SLC22A25: variants seen among roughly 807,000 people sequenced by gnomAD.
SLC22A25 encodes solute carrier family 22 member 25.
Under a neutral mutation model 45.9 loss-of-function variants are expected in SLC22A25, and 44 were observed. That is an observed-to-expected ratio of 0.96 (90% CI 0.75 to 1.23). SLC22A25 has a LOEUF of 1.23. Ranked by LOEUF, SLC22A25 falls within the 50% of genes most tolerant of loss-of-function variation. SLC22A25 has a pLI of 0.00. For missense variants in SLC22A25, 800 were observed against 666.4 expected, an observed-to-expected ratio of 1.20 and a Z score of -2.21; for synonymous variants, 283 against 238.6, an observed-to-expected ratio of 1.19 and a Z score of -1.72.
chr11:63,232,101 G>T (rs2090079668), intron 3 of SLC22A25, among the ~76,000 whole-genome samples: 1 of 152,150 alleles, frequency 6.6e-6, no homozygotes, highest in South Asian at 2.1e-4. Flanking sequence ...GCTTAGGATT[G>T]ACTTGGCAAT....
At chr11:63,210,716 TG>T (rs2089535030) in intron 7 of SLC22A25, among the ~76,000 whole-genome samples, 1 of 152,126 alleles carries the variant, frequency 6.6e-6, no homozygotes, top group Non-Finnish European at 1.5e-5. Context: ...TTGATACTGG[TG>T]CTGATTACTC....
At chr11:63,179,253 G>A (rs2088231504) in intron 9 of SLC22A25, among the ~76,000 whole-genome samples, 1 of 151,992 alleles carries the variant, frequency 6.6e-6, no homozygotes, top group Non-Finnish European at 1.5e-5. Flanking sequence ...CACTGTGCCT[G>A]GTCTATATCT....
At chr11:63,169,160 C>A (rs2087788924) in intron 9 of SLC22A25, among the ~76,000 whole-genome samples, 1 of 152,122 alleles carries the variant, frequency 6.6e-6, no homozygotes, top group Non-Finnish European at 1.5e-5. Flanking sequence ...ACAAGAGCTC[C>A]TGAAGGAAGC....
chr11:63,163,895 C>G lies in SLC22A25; in HGVS notation c.1573G>C (p.Asp525His). Residue 525 changes from aspartate (D) to histidine (H), a missense_variant, in exon 12 of 12, where the codon GAC (aspartate) becomes CAC (histidine). Transcript: ENST00000306494. ...TCATTTTCCACATCCTGGATGCTGTCAAGAAGAGGCTGGTTCCTGGTTTCA... is the reference window on the plus strand; with the variant it reads ...TCATTTTCCACATCCTGGATGCTGTGAAGAAGAGGCTGGTTCCTGGTTTCA... ...LPETRNQPLLDSIQDVENEGV... is the reference protein window; with the variant it reads ...LPETRNQPLLHSIQDVENEGV... 1 of 1,613,888 alleles carries G rather than the reference C, an allele frequency of 6.2e-7. No individual in the cohort carries two copies. Among genetic ancestry groups the G allele is most frequent in the Non-Finnish European group, 8.5e-7 (1 of 1,179,898 alleles).
At position 63,199,271 on chromosome 11, in the gene SLC22A25, A is replaced by G. The variant is rs148873953; in HGVS notation, c.831-15454T>C. Among the ~76,000 whole-genome samples, 1,382 of 152,270 alleles carry G rather than the reference A, an allele frequency of 9.1e-3. 14 individuals carry two copies. The highest frequency in any genetic ancestry group is 0.017 in the Middle Eastern group (5 of 294). The stretch of plus-strand genomic sequence containing the variant: ...AAACAACAATCAGAGAATATTATGA[A>G]CACCTCTATGCACATAAACTAGAAA... On this transcript the variant is annotated intron_variant, in intron 7 of 11. Transcript: ENST00000306494.
At chr11:63,198,652 G>A (rs186847756) in intron 7 of SLC22A25, among the ~76,000 whole-genome samples, 172 of 152,060 alleles carry the variant, frequency 1.1e-3, no homozygotes, top group African/African-American at 4.0e-3. Flanking sequence ...CACCAAAATG[G>A]CACATGTATA....
chr11:63,201,883 T>G (rs1307506136), intron 7 of SLC22A25, among the ~76,000 whole-genome samples: 2 of 152,156 alleles, frequency 1.3e-5, no homozygotes, highest in African/African-American at 4.8e-5. Flanking sequence ...AGCTCTGGTC[T>G]GCAGCCCCCA....
chr11:63,240,537 G>T (rs1197513903), intron 1 of SLC22A25, among the ~76,000 whole-genome samples: 3 of 151,936 alleles, frequency 2.0e-5, no homozygotes, highest in Non-Finnish European at 4.4e-5. Flanking sequence ...AAACTTTTTA[G>T]TTTTTAAAAA....
intron 7 of SLC22A25, among the ~76,000 whole-genome samples, chr11:63,193,993 T>C (rs1298836453): frequency 6.6e-6 from 1 of 152,090 alleles, no homozygotes; most frequent in Non-Finnish European, 1.5e-5. Flanking sequence ...CTGAAAACCA[T>C]GGCATGAGAA....
chr11:63,201,763 A>G (rs1212091381), intron 7 of SLC22A25, among the ~76,000 whole-genome samples: 1 of 152,194 alleles, frequency 6.6e-6, no homozygotes, highest in Non-Finnish European at 1.5e-5. Context: ...TATGCATCCA[A>G]TAAAGGTCTG....
intron 9 of SLC22A25, among the ~76,000 whole-genome samples, chr11:63,171,606 G>A (rs757454241): frequency 2.0e-5 from 3 of 152,140 alleles, no homozygotes; most frequent in South Asian, 2.1e-4. Flanking sequence ...TACAAGGGAC[G>A]TGAAGGAGCT....
Position 63,216,423 on chromosome 11 carries a change from G to A in SLC22A25, c.830+891C>T, listed in dbSNP as rs558994721. 3.7e-4 allele frequency among the ~76,000 whole-genome samples: 57 copies of A among 152,134 alleles called. 2 individuals carry two copies. Among genetic ancestry groups the A allele is most frequent in the South Asian group, 3.7e-3 (18 of 4,818 alleles). On this transcript the variant is annotated intron_variant, in intron 7 of 11. Coordinates refer to ENST00000306494, the MANE Select transcript of SLC22A25 (RefSeq NM_199352.6). The stretch of plus-strand genomic sequence containing the variant: ...TTCTACTATAAAGACATATGCACAC[G>A]TATGTTCATGGCAGCACTATTCACA...
At chr11:63,239,961 G>C (rs142193962) in intron 1 of SLC22A25, among the ~76,000 whole-genome samples, 2 of 152,264 alleles carry the variant, frequency 1.3e-5, no homozygotes, top group African/African-American at 4.8e-5. Context: ...ACAGGAATAT[G>C]CTCTGAGAAA....
At chr11:63,206,824 G>T (rs117296256) in intron 7 of SLC22A25, among the ~76,000 whole-genome samples, 1 of 152,058 alleles carries the variant, frequency 6.6e-6, no homozygotes, top group Admixed American at 6.6e-5. Context: ...CGTAGCCAAG[G>T]CAATGTTAAG....
intron 7 of SLC22A25, among the ~76,000 whole-genome samples, chr11:63,195,331 C>A (rs1274366601): frequency 2.0e-5 from 3 of 151,956 alleles, no homozygotes; most frequent in African/African-American, 7.3e-5. Flanking sequence ...GCACTTATTC[C>A]AAAATTGACC....
intron 3 of SLC22A25, among the ~76,000 whole-genome samples, chr11:63,232,472 C>T (rs996048096): frequency 2.0e-5 from 3 of 152,090 alleles, no homozygotes; most frequent in Admixed American, 6.6e-5. Context: ...GTGATTTTTG[C>T]ACATTGATTT....
At chr11:63,184,988 A>C (rs1204078801) in intron 7 of SLC22A25, among the ~76,000 whole-genome samples, 1 of 152,092 alleles carries the variant, frequency 6.6e-6, no homozygotes, top group Admixed American at 6.6e-5. Flanking sequence ...ACAGGAGTAC[A>C]CTGTAACCCA....
At chr11:63,200,254 T>TA (rs954248434) in intron 7 of SLC22A25, among the ~76,000 whole-genome samples, 14 of 149,172 alleles carry the variant, frequency 9.4e-5, no homozygotes, top group African/African-American at 3.5e-4. Context: ...CAAAAATCCT[T>TA]AAAAAATTAC....
intron 9 of SLC22A25, among the ~76,000 whole-genome samples, chr11:63,169,558 G>T (rs1464108171): frequency 2.6e-5 from 4 of 151,964 alleles, no homozygotes; most frequent in African/African-American, 7.2e-5. Flanking sequence ...AGAAATCAAA[G>T]AAGACAAAGA....
Sources: gnomAD v4.1 joint callset for allele counts (sites outside exome capture counted in the v4.1 genomes callset) on GRCh38, gnomAD v4.1.1 for gene constraint, MANE v1.5 for transcripts, NCBI Gene and HGNC (gene_info 2026-07-23, HGNC 2026-07-21) for gene names.